The following CAPZB variants were observed in gnomAD, a reference collection of about 807,000 sequenced individuals.
The protein encoded by CAPZB is capping actin protein of muscle Z-line subunit beta, also known as F-actin-capping protein subunit beta.
Under a neutral mutation model 38.1 loss-of-function variants are expected in CAPZB, and 2 were observed. That is an observed-to-expected ratio of 0.05 (90% CI 0.02 to 0.17). The LOEUF is 0.17. CAPZB is among the 10% of genes least tolerant of loss of function. The pLI is 1.00. For missense variants in CAPZB, 161 were observed against 334.2 expected (o/e 0.48, Z 4.04); for synonymous variants, 107 against 127.4 (o/e 0.84, Z 1.08).
chr1:19,476,168 GTAGATAGATAGATAGATAGA>G (rs200136717), intron 1 of CAPZB, among the ~76,000 whole-genome samples: 1,013 of 33,198 alleles, frequency 0.031, 17 homozygotes, highest in Middle Eastern at 0.043. Flanking sequence ...TAAAAAATAA[GTAGATAGATAGATAGATAGA>G]TAGATAGATA....
chr1:19,399,738 C>T (rs548137042), intron 2 of CAPZB, among the ~76,000 whole-genome samples: 2 of 151,946 alleles, frequency 1.3e-5, no homozygotes, highest in Non-Finnish European at 2.9e-5. Context: ...TAAGATTTTG[C>T]TTAAAAAAAG....
intron 2 of CAPZB, among the ~76,000 whole-genome samples, chr1:19,388,076 C>A (rs1316466395): frequency 6.6e-6 from 1 of 152,212 alleles, no homozygotes; most frequent in Non-Finnish European, 1.5e-5. Flanking sequence ...TTCCCTTCTC[C>A]TGCCAGGCAC....
chr1:19,341,514 AG>A (rs1358866252), intron 8 of CAPZB, among the ~76,000 whole-genome samples: 1 of 152,198 alleles, frequency 6.6e-6, no homozygotes, highest in Non-Finnish European at 1.5e-5. Context: ...CGGAAGGAGC[AG>A]GGGGCTTATT....
intron 1 of CAPZB, among the ~76,000 whole-genome samples, chr1:19,465,438 T>C (rs1174003294): frequency 6.6e-6 from 1 of 152,218 alleles, no homozygotes; most frequent in Admixed American, 6.5e-5. Flanking sequence ...TCAATTTCTG[T>C]TGTGTACAAA....
chr1:19,345,323 A>C (rs1028070749), intron 6 of CAPZB, 71 bp from the exon 7 acceptor site: 11 of 1,226,340 alleles, frequency 9.0e-6, no homozygotes, highest in Admixed American at 3.4e-5. Flanking sequence ...AGCCCACCCC[A>C]CCTCCACGGT....
At position 19,357,411 on chromosome 1, in the gene CAPZB, G is replaced by A. The variant is rs1381376257; in HGVS notation, c.471+11C>T. Reference sequence around the variant, plus strand: ...TAGTGGCCCGGGCCACCAGCTGCTGGGAGGCAGTACCTGCACTTCTACCAC... The same window carrying A: ...TAGTGGCCCGGGCCACCAGCTGCTGAGAGGCAGTACCTGCACTTCTACCAC... On this transcript the variant is annotated intron_variant, in intron 5 of 8. Transcript: ENST00000264202. This position sits in a 1 kb window ranked among gnomAD's most constrained non-coding sequence, Gnocchi z 4.3. 6.2e-7 allele frequency: 1 copy of A among 1,613,228 alleles called. No individual in the cohort carries two copies. The highest frequency in any genetic ancestry group is 2.2e-5 in the East Asian group (1 of 44,886).
At chr1:19,461,941 C>T (rs1413292250) in intron 1 of CAPZB, among the ~76,000 whole-genome samples, 2 of 152,170 alleles carry the variant, frequency 1.3e-5, no homozygotes, top group Admixed American at 1.3e-4. Flanking sequence ...GTCTCTGGCA[C>T]ACAGCAATGA....
intron 6 of CAPZB, among the ~76,000 whole-genome samples, chr1:19,355,388 G>C (rs563683655): frequency 5.6e-4 from 85 of 152,030 alleles, no homozygotes; most frequent in Non-Finnish European, 1.0e-3. Flanking sequence ...CCAGCTACTC[G>C]GGAGGCTGAG....
chr1:19,354,636 G>A, intron 6 of CAPZB, among the ~76,000 whole-genome samples: 1 of 152,222 alleles, frequency 6.6e-6, no homozygotes, highest in Non-Finnish European at 1.5e-5. Context: ...GGTTTAGCTT[G>A]GCAGGAGACA....
intron 2 of CAPZB, among the ~76,000 whole-genome samples, chr1:19,407,835 A>C (rs1465919386): frequency 6.6e-6 from 1 of 152,158 alleles, no homozygotes; most frequent in Non-Finnish European, 1.5e-5. Context: ...GTGCCTAGCA[A>C]GCAATCAGGA....
intron 1 of CAPZB, among the ~76,000 whole-genome samples, chr1:19,453,911 T>A (rs1257421842): frequency 1.0e-5 from 1 of 100,282 alleles, no homozygotes; most frequent in Non-Finnish European, 2.4e-5. Context: ...ACTGCCATTT[T>A]ACAGATGAAA....
chr1:19,465,687 C>T (rs919615309), intron 1 of CAPZB, among the ~76,000 whole-genome samples: 2 of 152,062 alleles, frequency 1.3e-5, no homozygotes, highest in African/African-American at 4.8e-5. Flanking sequence ...AGAATGAAAA[C>T]CTCTGGATCT....
intron 4 of CAPZB, among the ~76,000 whole-genome samples, chr1:19,377,361 A>G (rs1185388871): frequency 2.0e-5 from 3 of 152,210 alleles, no homozygotes; most frequent in Non-Finnish European, 2.9e-5. Flanking sequence ...TTTCACCTCC[A>G]TGTCCTGTGG....
chr1:19,407,793 TC>T (rs2094339365), intron 2 of CAPZB, among the ~76,000 whole-genome samples: 2 of 152,142 alleles, frequency 1.3e-5, no homozygotes, highest in African/African-American at 4.8e-5. Context: ...CGGGGTCAGC[TC>T]CTCATTCAGG....
At chr1:19,463,023 A>C (rs79113942) in intron 1 of CAPZB, among the ~76,000 whole-genome samples, 8,468 of 152,266 alleles carry the variant, frequency 0.056, 769 homozygotes, top group African/African-American at 0.19. Context: ...CTGCAAAGAG[A>C]AGATATCATT....
intron 2 of CAPZB, among the ~76,000 whole-genome samples, chr1:19,389,675 C>T (rs1436165392): frequency 1.3e-5 from 2 of 152,168 alleles, no homozygotes; most frequent in Middle Eastern, 3.2e-3. Flanking sequence ...ATCCACCCAC[C>T]TCGGCCACCC....
intron 1 of CAPZB, among the ~76,000 whole-genome samples, chr1:19,432,049 AAAAAAAAAAAAAAAAAG>A (rs1428402768): frequency 4.0e-5 from 1 of 25,116 alleles, no homozygotes; most frequent in Non-Finnish European, 1.5e-4. Context: ...TCTCAAAAAA[AAAAAAAAAAAAAAAAAG>A]AAAAAAAAAG....
rs559325806 is a variant in CAPZB at position 19,389,717 on chromosome 1, C to T, written c.94-4091G>A. On this transcript the variant is annotated intron_variant, in intron 2 of 8. Coordinates refer to ENST00000264202, the MANE Select transcript of CAPZB (RefSeq NM_004930.5). ...CTAGGATTACAGGTGTGAGCCACTG[C>T]GCCTGGCCAGGCCATGTATTTTTAT... Among the ~76,000 whole-genome samples the T allele has an allele frequency of 5.0e-3, 755 of 152,278 alleles. 5 individuals carry two copies. Among genetic ancestry groups the T allele is most frequent in the Non-Finnish European group, 8.8e-3 (600 of 68,008 alleles).
chr1:19,377,071 T>G (rs115753737), intron 4 of CAPZB, among the ~76,000 whole-genome samples: 179 of 152,370 alleles, frequency 1.2e-3, no homozygotes, highest in African/African-American at 4.0e-3. Context: ...ATTACCAGTA[T>G]TATCACTTTA....
Sources: gnomAD v4.1 joint callset for allele counts (sites outside exome capture counted in the v4.1 genomes callset) on GRCh38, gnomAD v4.1.1 for gene constraint, Gnocchi (gnomAD v3.1) non-coding constraint, MANE v1.5 for transcripts, NCBI Gene and HGNC (gene_info 2026-07-23, HGNC 2026-07-21) for gene names.